The following OIP5 variants were observed in gnomAD, a reference collection of about 807,000 sequenced individuals.
OIP5 encodes protein Mis18-beta.
A neutral mutation model predicts 20.3 loss-of-function variants in OIP5; 24 were observed. The observed-to-expected ratio is 1.18, with a 90% CI of 0.86 to 1.66. The LOEUF is 1.66. OIP5 is among the 40% of genes most tolerant of loss of function. The probability of loss-of-function intolerance (pLI) is 0.00; values close to 1 mark genes in which losing one functional copy is unlikely to be tolerated. For synonymous variants in OIP5, 143 were observed against 121.3 expected (o/e 1.18, Z -1.17); for missense variants, 339 against 289.5 (o/e 1.17, Z -1.24).
chr15:41,320,059 A>G (rs2047813215), intron 2 of OIP5, among the ~76,000 whole-genome samples: 2 of 152,152 alleles, frequency 1.3e-5, no homozygotes, highest in Admixed American at 6.6e-5. Flanking sequence ...TAATAAACAC[A>G]AAAAGAGCTA....
chr15:41,315,962 C>A (rs2047786533), intron 3 of OIP5, among the ~76,000 whole-genome samples: 1 of 151,996 alleles, frequency 6.6e-6, no homozygotes, highest in African/African-American at 2.4e-5. Flanking sequence ...CCCGTCTCTA[C>A]TAAAAATACA....
At chr15:41,326,750 A>G (rs757275644) in intron 2 of OIP5, among the ~76,000 whole-genome samples, 2 of 152,130 alleles carry the variant, frequency 1.3e-5, no homozygotes, top group African/African-American at 2.4e-5. Flanking sequence ...ATCTTACCAC[A>G]GTAGGTACTA....
chr15:41,321,267 C>G lies in OIP5; in HGVS notation c.390-1487G>C, dbSNP rs991214098. Among the ~76,000 whole-genome samples the G allele has an allele frequency of 1.1e-4, 16 of 149,438 alleles. No individual in the cohort carries two copies. In the South Asian group the frequency reaches 1.4e-3, roughly 13 times the overall value. The stretch of plus-strand genomic sequence containing the variant: ...AGGGAGGTGGGGTGGTCCAGCCCCC[C>G]GCCCGGCCAGCCGTCCCGTCCTGGA... On this transcript the variant is annotated intron_variant, in intron 2 of 4. Transcript: ENST00000220514.
At chr15:41,322,359 G>T (rs995749587) in intron 2 of OIP5, among the ~76,000 whole-genome samples, 1 of 152,116 alleles carries the variant, frequency 6.6e-6, no homozygotes, top group Non-Finnish European at 1.5e-5. Flanking sequence ...AAGTGGTTTG[G>T]TAAAGGAAAA....
chr15:41,317,058 A>G (rs1164661435), intron 3 of OIP5, among the ~76,000 whole-genome samples: 1 of 152,188 alleles, frequency 6.6e-6, no homozygotes, highest in Non-Finnish European at 1.5e-5. Context: ...AGCTTAAGTT[A>G]AAAGTGCAAT....
At chr15:41,331,587 A>C (rs967558235) in intron 2 of OIP5, among the ~76,000 whole-genome samples, 3 of 152,220 alleles carry the variant, frequency 2.0e-5, no homozygotes, top group African/African-American at 7.2e-5. Flanking sequence ...TGTATCAAAA[A>C]GTTCTAATAT....
At chr15:41,311,712 T>C (rs908720728) in intron 4 of OIP5, among the ~76,000 whole-genome samples, 1 of 150,232 alleles carries the variant, frequency 6.7e-6, no homozygotes, top group Non-Finnish European at 1.5e-5. Flanking sequence ...GGGCTGGGAT[T>C]ATAGGCGCCT....
chr15:41,316,113 G>A (rs982995039), intron 3 of OIP5, among the ~76,000 whole-genome samples: 5 of 151,640 alleles, frequency 3.3e-5, no homozygotes, highest in Admixed American at 6.6e-5. Context: ...CAGCCTGGGC[G>A]AAAGAGCAAG....
At chr15:41,321,249 T>G (rs1595501557) in intron 2 of OIP5, among the ~76,000 whole-genome samples, 3 of 119,114 alleles carry the variant, frequency 2.5e-5, no homozygotes, top group Admixed American at 8.2e-5. Context: ...GGGAGGGAGG[T>G]GGGGTGGTCC....
intron 3 of OIP5, 141 bp from the exon 4 acceptor site, chr15:41,313,495 G>A (rs754835831): frequency 2.1e-5 from 12 of 580,114 alleles, no homozygotes; most frequent in Non-Finnish European, 3.3e-5. Context: ...TGATGTTACA[G>A]TTGGCCCACC....
Position 41,331,935 on chromosome 15 carries a change from A to G in OIP5, c.369T>C (p.Ile123=), listed in dbSNP as rs2047922972. The G allele has an allele frequency of 1.2e-6, 2 of 1,613,968 alleles. No individual in the cohort carries two copies. The highest frequency in any genetic ancestry group is 2.7e-5 in the African/African-American group (2 of 74,910). ...VVLEAPFLVG[I]EGSLKGSTYN... is the part of the protein sequence containing the mutation. The stretch of plus-strand genomic sequence containing the variant: ...CGTACCTGCCTTTGAGTGAACCTTC[A>G]ATGCCAACTAGGAAGGGCGCTTCCA... Residue 123 remains isoleucine, a synonymous_variant, in exon 2 of 5, where the codon ATT becomes ATC. Coordinates refer to ENST00000220514, the MANE Select transcript of OIP5 (RefSeq NM_007280.2).
chr15:41,309,865 T>C lies in OIP5; in HGVS notation c.595-16A>G, dbSNP rs770254563. 5.8e-6 allele frequency: 9 copies of C among 1,549,898 alleles called. No homozygotes were observed. The highest frequency in any genetic ancestry group is 4.5e-5 in the East Asian group (2 of 44,564). On this transcript the variant is annotated splice_polypyrimidine_tract_variant and intron_variant, in intron 4 of 4. Transcript: ENST00000220514. ...TCTCTTTCAGCTAGGAAGAGAAATATATAGATATCAGGGCATCTTTTTTTA... is the reference window on the plus strand; with the variant it reads ...TCTCTTTCAGCTAGGAAGAGAAATACATAGATATCAGGGCATCTTTTTTTA...
intron 2 of OIP5, among the ~76,000 whole-genome samples, chr15:41,329,252 G>C (rs143312284): frequency 6.7e-6 from 1 of 150,250 alleles, no homozygotes; most frequent in Admixed American, 6.7e-5. Context: ...AACCCTCTTC[G>C]TAAGTCCCAT....
At chr15:41,317,000 C>A (rs1344145173) in intron 3 of OIP5, among the ~76,000 whole-genome samples, 1 of 151,808 alleles carries the variant, frequency 6.6e-6, no homozygotes, top group African/African-American at 2.4e-5. Context: ...TTTTAATGGT[C>A]AAGGAAAGAC....
chr15:41,321,492 G>T (rs1287388873), intron 2 of OIP5, among the ~76,000 whole-genome samples: 2 of 152,248 alleles, frequency 1.3e-5, no homozygotes, highest in African/African-American at 4.8e-5. Flanking sequence ...AGGGGGAAAG[G>T]TGGGGAAAAG....
In OIP5 at chr15:41,317,659, C is replaced by T. The variant is rs558158640; in HGVS notation, c.512+1999G>A. Among the ~76,000 whole-genome samples, 153 of 152,080 alleles carry T rather than the reference C, an allele frequency of 1.0e-3. 1 individual carries two copies. The South Asian group carries it at 0.013, about 13-fold the overall frequency. On this transcript the variant is annotated intron_variant, in intron 3 of 4. Coordinates refer to ENST00000220514, the MANE Select transcript of OIP5 (RefSeq NM_007280.2). ...CCTCCCAAAGTACTGGGGTTACAGGCGTGAGCTACCACGCCCAGCACCGTT... is the reference window on the plus strand; with the variant it reads ...CCTCCCAAAGTACTGGGGTTACAGGTGTGAGCTACCACGCCCAGCACCGTT...
intron 4 of OIP5, among the ~76,000 whole-genome samples, chr15:41,312,152 CCTT>C (rs1361884384): frequency 3.9e-5 from 4 of 103,432 alleles, no homozygotes; most frequent in African/African-American, 1.1e-4. Context: ...CCATGCCCAG[CCTT>C]CTTTTTTTCT....
Position 41,325,298 on chromosome 15 carries a change from C to T in OIP5, c.390-5518G>A, listed in dbSNP as rs193141209. Among the ~76,000 whole-genome samples, 606 of 151,868 alleles carry T rather than the reference C, an allele frequency of 4.0e-3. 2 individuals carry two copies. The highest frequency in any genetic ancestry group is 6.4e-3 in the Non-Finnish European group (434 of 67,938). ...CGGGCCCCTGTAAGTCCCAGCTACT[C>T]GGGAGGCTGAGGCAGGAGAATGGTG... On this transcript the variant is annotated intron_variant, in intron 2 of 4. Transcript: ENST00000220514.
At chr15:41,323,815 C>G (rs956145026) in intron 2 of OIP5, among the ~76,000 whole-genome samples, 2 of 152,044 alleles carry the variant, frequency 1.3e-5, no homozygotes, top group African/African-American at 4.8e-5. Flanking sequence ...CTATGAAAGT[C>G]TGAGATGGTA....
Sources: allele counts gnomAD v4.1 joint callset (sites outside exome capture counted in the v4.1 genomes callset), GRCh38; gene constraint gnomAD v4.1.1; transcripts MANE v1.5; gene names NCBI Gene and HGNC (gene_info 2026-07-23, HGNC 2026-07-21).